The following GNAS-AS1 variants were observed in gnomAD, a reference collection of about 807,000 sequenced individuals.
GNAS-AS1 encodes GNAS antisense RNA 1 (non-protein coding).
intron 4 of GNAS-AS1, among the ~76,000 whole-genome samples, chr20:58,836,920 G>T (rs545703993): frequency 6.6e-6 from 1 of 152,238 alleles, no homozygotes; most frequent in African/African-American, 2.4e-5. Flanking sequence ...AAAGCGCATT[G>T]CTAATGCAGA....
chr20:58,838,849 AGAGGTTG>A (rs1177756660), intron 4 of GNAS-AS1: 10 of 389,790 alleles, frequency 2.6e-5, no homozygotes, highest in Non-Finnish European at 4.5e-5. Flanking sequence ...GCCAGGAGGC[AGAGGTTG>A]CAGTGACCCA....
chr20:58,839,925 T>C, intron 4 of GNAS-AS1: 1 of 633,964 alleles, frequency 1.6e-6, no homozygotes. Context: ...TAGAAAGTTC[T>C]TAAGTGGTCA....
intron 1 of GNAS-AS1, among the ~76,000 whole-genome samples, chr20:58,849,443 C>A (rs2086065014): frequency 6.6e-6 from 1 of 152,204 alleles, no homozygotes; most frequent in South Asian, 2.1e-4. Flanking sequence ...TTCTCTGACT[C>A]CATAAATTCA....
At chr20:58,833,591 A>G (rs190349348) in intron 4 of GNAS-AS1, among the ~76,000 whole-genome samples, 1 of 152,302 alleles carries the variant, frequency 6.6e-6, no homozygotes, top group Non-Finnish European at 1.5e-5. Context: ...AGAAGTGGAA[A>G]GAAAACCCTG....
intron 4 of GNAS-AS1, among the ~76,000 whole-genome samples, chr20:58,831,431 C>A (rs1568901102): frequency 6.6e-6 from 1 of 152,156 alleles, no homozygotes; most frequent in Admixed American, 6.5e-5. Flanking sequence ...AATCCCAGAA[C>A]TTTGGGAGGC....
chr20:58,823,528 TC>T (rs756870561), intron 4 of GNAS-AS1, among the ~76,000 whole-genome samples: 2 of 152,120 alleles, frequency 1.3e-5, no homozygotes, highest in East Asian at 3.9e-4. Context: ...CTGTCCTCCA[TC>T]CCCCCCGTCT....
chr20:58,821,673 C>T (rs1439692878), intron 4 of GNAS-AS1, among the ~76,000 whole-genome samples: 1 of 152,184 alleles, frequency 6.6e-6, no homozygotes, highest in Non-Finnish European at 1.5e-5. Context: ...GAGACTCACA[C>T]TTCTTCAGAA....
intron 4 of GNAS-AS1, among the ~76,000 whole-genome samples, chr20:58,830,751 A>G (rs367616378): frequency 6.3e-4 from 94 of 150,322 alleles, no homozygotes; most frequent in African/African-American, 2.0e-3. Flanking sequence ...CATCACCGCC[A>G]CCAGGCATAG....
chr20:58,840,515 C>T lies in GNAS-AS1; in HGVS notation n.819+1422G>A, dbSNP rs779401973. The T allele has an allele frequency of 1.2e-6, 2 of 1,613,578 alleles. No individual in the cohort carries two copies. The highest frequency in any genetic ancestry group is 1.1e-5 in the South Asian group (1 of 91,080). The stretch of plus-strand genomic sequence containing the variant: ...GCCTGAGACCGCCCCCACCACTGAG[C>T]CCGAGACCGAGCCTGAAGACGATCG... On this transcript the variant is annotated intron_variant and non_coding_transcript_variant, in intron 4 of 4. Transcript: ENST00000424094. The surrounding 1 kb of genome is among the most constrained non-coding windows in gnomAD (Gnocchi z 6.0).
At chr20:58,845,839 T>C (rs1311615128) in intron 2 of GNAS-AS1, among the ~76,000 whole-genome samples, 1 of 152,228 alleles carries the variant, frequency 6.6e-6, no homozygotes, top group Non-Finnish European at 1.5e-5. Flanking sequence ...CCATTACCTG[T>C]TGACAGTGCT....
At position 58,840,967 on chromosome 20, in the gene GNAS-AS1, C is replaced by A; in HGVS notation, n.819+970G>T. The A allele has an allele frequency of 1.4e-6, 2 of 1,457,590 alleles. No individual in the cohort carries two copies. Among genetic ancestry groups the A allele is most frequent in the East Asian group, 2.4e-5 (1 of 41,834 alleles). 90.3% of individuals were successfully genotyped at this position (1,457,590 alleles called of 1,614,324 possible). On this transcript the variant is annotated intron_variant and non_coding_transcript_variant, in intron 4 of 4. Coordinates refer to ENST00000424094, the Ensembl canonical transcript of GNAS-AS1. This position sits in a 1 kb window ranked among gnomAD's most constrained non-coding sequence, Gnocchi z 6.0. The stretch of plus-strand genomic sequence containing the variant: ...GTGGAAAGGAGGTGAGAAGGAAAGG[C>A]AGGTCAGGGGCGAGTGGGAAGAGAG...
chr20:58,838,824 G>C, intron 4 of GNAS-AS1: 2 of 391,640 alleles, frequency 5.1e-6, no homozygotes, highest in Non-Finnish European at 4.5e-6. Flanking sequence ...GGCTTAGGTA[G>C]GAGAATCTCT....
rs1482957402 is a variant in GNAS-AS1 at position 58,840,020 on chromosome 20, T to C, written n.819+1917A>G. 3.3e-6 allele frequency: 5 copies of C among 1,498,128 alleles called. No individual in the cohort carries two copies. The highest frequency in any genetic ancestry group is 1.4e-5 in the African/African-American group (1 of 72,916). The allele number at this position is 1,498,128 out of a possible 1,614,324, so 92.8% of individuals were successfully genotyped here. A position where few individuals can be genotyped will look rare whatever the true frequency, so the allele number is the denominator to read the frequency against. ...AGCTTCTCACCTCATAGGGTGTACC[T>C]TTCCCGGCTCCAGCAGCCAATGTGC... On this transcript the variant is annotated intron_variant and non_coding_transcript_variant, in intron 4 of 4. Coordinates refer to ENST00000424094, the Ensembl canonical transcript of GNAS-AS1. This position sits in a 1 kb window ranked among gnomAD's most constrained non-coding sequence, Gnocchi z 6.0.
chr20:58,839,425 G>A (rs1176078787), intron 4 of GNAS-AS1: 2 of 399,998 alleles, frequency 5.0e-6, no homozygotes, highest in East Asian at 7.1e-5. Context: ...CTCCCAGGCT[G>A]TGTTTATTTC....
At chr20:58,843,449 A>G (rs2085821707) in intron 2 of GNAS-AS1, 1 of 152,318 alleles carries the variant, frequency 6.6e-6, no homozygotes, top group Non-Finnish European at 1.5e-5. Flanking sequence ...AACTTCCCCA[A>G]GCATTCCCAA....
At chr20:58,818,924 G>C (rs2085466781) in exon 5 of GNAS-AS1, 1 of 398,038 alleles carries the variant, frequency 2.5e-6, no homozygotes, top group South Asian at 1.3e-4. Flanking sequence ...TGTCTGACAG[G>C]GTGCATCTGG....
At chr20:58,831,537 G>A (rs1039662089) in intron 4 of GNAS-AS1, among the ~76,000 whole-genome samples, 3 of 151,986 alleles carry the variant, frequency 2.0e-5, no homozygotes, top group African/African-American at 4.8e-5. Flanking sequence ...AAAATTAGCC[G>A]GGAGAATGGC....
rs1373772138 is a variant in GNAS-AS1, at chr20:58,825,070, G to A, written n.820-5815C>T. On this transcript the variant is annotated intron_variant and non_coding_transcript_variant, in intron 4 of 4. Coordinates refer to ENST00000424094, the Ensembl canonical transcript of GNAS-AS1. The stretch of plus-strand genomic sequence containing the variant: ...GCGTCCGCAAACATAAACACGTGAA[G>A]TGGGAGCAAATGTCATGGTAAAGGC... 2.6e-5 allele frequency among the ~76,000 whole-genome samples: 4 copies of A among 152,218 alleles called. No individual in the cohort carries two copies. The East Asian group carries it at 7.7e-4, about 29-fold the overall frequency.
At chr20:58,847,705 C>CA (rs1331010191) in intron 2 of GNAS-AS1, among the ~76,000 whole-genome samples, 4 of 152,106 alleles carry the variant, frequency 2.6e-5, no homozygotes, top group African/African-American at 4.8e-5. Context: ...AAATGACTAC[C>CA]AAAAAAATAC....
Sources: gnomAD v4.1 joint callset for allele counts (sites outside exome capture counted in the v4.1 genomes callset) on GRCh38, gnomAD v4.1.1 for gene constraint, Gnocchi (gnomAD v3.1) non-coding constraint, MANE v1.5 for transcripts, NCBI Gene and HGNC (gene_info 2026-07-23, HGNC 2026-07-21) for gene names.